Variants in FBXL13 observed in about 807,000 individuals in gnomAD.
FBXL13 encodes F-box and leucine-rich repeat protein 13.
In FBXL13, 67 loss-of-function variants were observed where a neutral mutation model predicts 83.6. The observed-to-expected ratio is 0.80, with a 90% CI of 0.66 to 0.98. The LOEUF is 0.98. Among genes scored for constraint, FBXL13 ranks in the 50% least tolerant of loss-of-function variants. The pLI is 0.00. For missense variants in FBXL13, 822 were observed against 866.5 expected, an observed-to-expected ratio of 0.95 and a Z score of 0.64; for synonymous variants, 272 against 299.5, an observed-to-expected ratio of 0.91 and a Z score of 0.95.
chr7:102,942,326 G>A (rs1821620045), intron 8 of FBXL13: 1 of 1,592,864 alleles, frequency 6.3e-7, no homozygotes, highest in Admixed American at 1.8e-5. Flanking sequence ...AGACTTACGT[G>A]AATGATTTTT....
Position 102,913,226 on chromosome 7 carries a change from A to C in FBXL13, c.879-11T>G. 3 of 1,614,108 alleles carry C rather than the reference A, an allele frequency of 1.9e-6. No homozygotes were observed. The highest frequency in any genetic ancestry group is 2.2e-5 in the South Asian group (2 of 91,068). Reference sequence around the variant, plus strand: ...AAGTTGTGGAAGTGCCTGAAAAGACAAAAGAGAGGAAGGAAAGTATTATAC... The same window carrying C: ...AAGTTGTGGAAGTGCCTGAAAAGACCAAAGAGAGGAAGGAAAGTATTATAC... On this transcript the variant is annotated splice_polypyrimidine_tract_variant and intron_variant, in intron 10 of 19. Transcript: ENST00000313221.
intron 6 of FBXL13, among the ~76,000 whole-genome samples, chr7:102,991,003 A>C (rs779947968): frequency 1.1e-4 from 16 of 152,194 alleles, no homozygotes; most frequent in Non-Finnish European, 1.9e-4. Context: ...GAGAAAGACA[A>C]CTCTGGTGGA....
intron 14 of FBXL13, among the ~76,000 whole-genome samples, chr7:102,881,471 G>A (rs1161049953): frequency 4.1e-5 from 6 of 146,194 alleles, no homozygotes; most frequent in South Asian, 2.2e-4. Context: ...TAATTAACCC[G>A]CAGAAGCCTG....
chr7:103,055,540 G>A, intron 2 of FBXL13, 104 bp downstream of exon 2: 1 of 425,078 alleles, frequency 2.4e-6, no homozygotes, highest in Non-Finnish European at 4.0e-6. Context: ...TAACAATCTT[G>A]AGATTGGAAG....
chr7:103,054,647 T>C (rs2129496069), intron 2 of FBXL13, among the ~76,000 whole-genome samples: 1 of 152,286 alleles, frequency 6.6e-6, no homozygotes, highest in South Asian at 2.1e-4. Flanking sequence ...GTCATGTCAT[T>C]ACGAGCATGA....
chr7:103,067,730 A>G (rs1205285747), intron 1 of FBXL13, among the ~76,000 whole-genome samples: 1 of 152,250 alleles, frequency 6.6e-6, no homozygotes, highest in Non-Finnish European at 1.5e-5. Context: ...ATGTAAGTGC[A>G]TGAGGGATCT....
chr7:102,824,950 G>A (rs1799376799), intron 18 of FBXL13, among the ~76,000 whole-genome samples: 1 of 151,788 alleles, frequency 6.6e-6, no homozygotes, highest in South Asian at 2.1e-4. Flanking sequence ...GTTTTTCCTA[G>A]TGCATTCTTA....
At chr7:102,876,481 T>C (rs1342538344) in intron 16 of FBXL13, among the ~76,000 whole-genome samples, 1 of 152,032 alleles carries the variant, frequency 6.6e-6, no homozygotes, top group Non-Finnish European at 1.5e-5. Flanking sequence ...AGTTCATTCA[T>C]AGATAAAGAA....
At chr7:102,832,917 G>A in exon 18 of FBXL13, 1 of 1,614,218 alleles carries the variant, frequency 6.2e-7, no homozygotes, top group Non-Finnish European at 8.5e-7. Context: ...ATATCTGACA[G>A]CTGGGAGCAA....
intron 2 of FBXL13, among the ~76,000 whole-genome samples, chr7:103,031,681 T>C (rs1249266848): frequency 6.6e-6 from 1 of 152,164 alleles, no homozygotes; most frequent in Non-Finnish European, 1.5e-5. Flanking sequence ...CCAGGTACAC[T>C]GAAAGGTTAA....
chr7:103,009,225 T>C lies in FBXL13; in HGVS notation c.495+15838A>G, dbSNP rs547954064. 9.6e-4 allele frequency among the ~76,000 whole-genome samples: 146 copies of C among 152,224 alleles called. 2 individuals carry two copies. The highest frequency in any genetic ancestry group is 3.1e-3 in the African/African-American group (129 of 41,542). Reference sequence around the variant, plus strand: ...AAGACAAATAGGTGAGGGGCCAAGATGGCGAATTAGAAGCAGCTCATGTGC... The same window carrying C: ...AAGACAAATAGGTGAGGGGCCAAGACGGCGAATTAGAAGCAGCTCATGTGC... On this transcript the variant is annotated intron_variant, in intron 6 of 19. Transcript: ENST00000313221.
At chr7:103,010,710 T>C (rs188097932) in intron 6 of FBXL13, among the ~76,000 whole-genome samples, 2 of 152,338 alleles carry the variant, frequency 1.3e-5, no homozygotes, top group African/African-American at 4.8e-5. Context: ...CCTGGCTCCA[T>C]GCTGAGCCCA....
intron 8 of FBXL13, chr7:102,934,405 C>T (rs1819867661): frequency 6.2e-7 from 1 of 1,614,078 alleles, no homozygotes; most frequent in South Asian, 1.1e-5. Context: ...ATGACAACCC[C>T]TGGCACTGTA....
rs188245399 is a variant in FBXL13, at chr7:102,875,448, G to A, written c.1635+2019C>T. Among the ~76,000 whole-genome samples, 26 of 150,650 alleles carry A rather than the reference G, an allele frequency of 1.7e-4. No homozygotes were observed. In the South Asian group the frequency reaches 2.7e-3, roughly 16 times the overall value. ...GCAAATGCTGAGAAATTCATCATAT[G>A]GGGGGTCTGTTCTAGACCTTCTCAC... On this transcript the variant is annotated intron_variant, in intron 16 of 19. Transcript: ENST00000313221.
intron 6 of FBXL13, among the ~76,000 whole-genome samples, chr7:102,993,405 T>A (rs1829780862): frequency 6.6e-6 from 1 of 152,202 alleles, no homozygotes. Flanking sequence ...CGTTTGCAAG[T>A]CCACATGACA....
intron 1 of FBXL13, among the ~76,000 whole-genome samples, chr7:103,060,814 G>A (rs1050946651): frequency 6.6e-6 from 1 of 152,202 alleles, no homozygotes; most frequent in Non-Finnish European, 1.5e-5. Context: ...AGCAGGTGAA[G>A]AAACAGAAAA....
At chr7:103,051,240 C>T (rs1416470823) in intron 2 of FBXL13, among the ~76,000 whole-genome samples, 1 of 152,110 alleles carries the variant, frequency 6.6e-6, no homozygotes, top group African/African-American at 2.4e-5. Context: ...TTTCAAAAGC[C>T]AACTTTTATA....
rs769382071 is a variant in FBXL13, at chr7:102,843,763, G to A, written c.1720-10789C>T. Among the ~76,000 whole-genome samples, 9 of 152,228 alleles carry A rather than the reference G, an allele frequency of 5.9e-5. No homozygotes were observed. In the East Asian group the frequency reaches 1.2e-3, roughly 20 times the overall value. On this transcript the variant is annotated intron_variant, in intron 17 of 19. Coordinates refer to ENST00000313221, the Ensembl canonical transcript of FBXL13. ...TGCACTCCAGCCTGGGCGACAGAGC[G>A]AGACTCCGTCTTAATAAAAAAAATA...
intron 17 of FBXL13, among the ~76,000 whole-genome samples, chr7:102,839,259 A>C (rs1486025662): frequency 6.6e-6 from 1 of 152,074 alleles, no homozygotes; most frequent in Non-Finnish European, 1.5e-5. Context: ...TTTCTTGCTG[A>C]CCTTCTCCCC....
Sources: allele counts gnomAD v4.1 joint callset (sites outside exome capture counted in the v4.1 genomes callset), GRCh38; gene constraint gnomAD v4.1.1; transcripts MANE v1.5; gene names NCBI Gene and HGNC (gene_info 2026-07-23, HGNC 2026-07-21).